The following ADCY2 variants were observed in gnomAD, a reference collection of about 807,000 sequenced individuals.
ADCY2 encodes adenylate cyclase 2, also known as adenylate cyclase type 2.
Under a neutral mutation model 125.2 loss-of-function variants are expected in ADCY2, and 31 were observed. The ratio of observed to expected loss-of-function variants is 0.25; its 90% CI spans 0.19 to 0.33. The LOEUF is 0.33. Ranked by LOEUF, ADCY2 falls within the 10% of genes least tolerant of loss-of-function variation. The pLI, the probability that ADCY2 is intolerant of heterozygous loss-of-function variation, is 1.00. For missense variants in ADCY2, 904 were observed against 1,418.2 expected, an observed-to-expected ratio of 0.64 and a Z score of 5.82; for synonymous variants, 512 against 548.4, an observed-to-expected ratio of 0.93 and a Z score of 0.93.
At chr5:7,474,840 T>C (rs1235116448) in intron 2 of ADCY2, among the ~76,000 whole-genome samples, 3 of 152,218 alleles carry the variant, frequency 2.0e-5, no homozygotes, top group Non-Finnish European at 4.4e-5. Context: ...GGTTGGAAAG[T>C]GTTAATGAAG....
chr5:7,555,422 A>G lies in ADCY2; in HGVS notation c.570+34523A>G, dbSNP rs577645684. ...TTCGGGTAGGAATGGATTTTTGGCA[A>G]ATTGTTCAGATCTTTAGCTTTTACA... On this transcript the variant is annotated intron_variant, in intron 3 of 24. Coordinates refer to ENST00000338316, the MANE Select transcript of ADCY2 (RefSeq NM_020546.3). Among the ~76,000 whole-genome samples, 10 of 152,334 alleles carry G rather than the reference A, an allele frequency of 6.6e-5. No homozygotes were observed. The South Asian group carries it at 1.9e-3, about 28-fold the overall frequency.
At chr5:7,737,868 A>G (rs376915311) in intron 14 of ADCY2, among the ~76,000 whole-genome samples, 2 of 152,250 alleles carry the variant, frequency 1.3e-5, no homozygotes, top group East Asian at 3.8e-4. Flanking sequence ...GAAATGATGG[A>G]AAGCAAAAGA....
intron 3 of ADCY2, among the ~76,000 whole-genome samples, chr5:7,569,020 A>G (rs537430705): frequency 1.3e-5 from 2 of 152,276 alleles, no homozygotes; most frequent in South Asian, 4.1e-4. Flanking sequence ...GTGCTACTGA[A>G]ACAGAAGCTA....
intron 15 of ADCY2, among the ~76,000 whole-genome samples, chr5:7,745,739 A>G (rs533553950): frequency 5.9e-5 from 9 of 152,130 alleles, no homozygotes; most frequent in Non-Finnish European, 8.8e-5. Flanking sequence ...ACCTAGTTCT[A>G]ATTAAGTCAG....
intron 4 of ADCY2, among the ~76,000 whole-genome samples, chr5:7,679,247 G>C (rs1022975745): frequency 1.3e-5 from 2 of 152,220 alleles, no homozygotes; most frequent in Non-Finnish European, 2.9e-5. Context: ...GAAATGACGT[G>C]ATGGAACCAG....
Position 7,396,991 on chromosome 5 carries a change from A to G in ADCY2, c.210+485A>G, listed in dbSNP as rs1276235133. ...CTCTGCAGAAAGCCTGCCTTGGGAA[A>G]GTGGTTAATGACAAGGAAAATGAAG... On this transcript the variant is annotated intron_variant, in intron 1 of 24. Coordinates refer to ENST00000338316, the MANE Select transcript of ADCY2 (RefSeq NM_020546.3). The surrounding 1 kb of genome is among the most constrained non-coding windows in gnomAD (Gnocchi z 5.7). Among the ~76,000 whole-genome samples the G allele has an allele frequency of 6.6e-6, 1 of 152,236 alleles. No homozygotes were observed. Among genetic ancestry groups the G allele is most frequent in the African/African-American group, 2.4e-5 (1 of 41,472 alleles).
intron 22 of ADCY2, among the ~76,000 whole-genome samples, chr5:7,807,377 G>A (rs980732407): frequency 6.6e-6 from 1 of 152,098 alleles, no homozygotes; most frequent in Non-Finnish European, 1.5e-5. Flanking sequence ...AATGCCATCA[G>A]GAACTCTACT....
chr5:7,722,177 G>C (rs1181119488), intron 12 of ADCY2, among the ~76,000 whole-genome samples: 1 of 152,120 alleles, frequency 6.6e-6, no homozygotes, highest in African/African-American at 2.4e-5. Flanking sequence ...ATCTAATGCT[G>C]GGGTTCACGA....
chr5:7,651,193 G>C (rs886510506), intron 4 of ADCY2, among the ~76,000 whole-genome samples: 2 of 152,168 alleles, frequency 1.3e-5, no homozygotes, highest in Non-Finnish European at 2.9e-5. Flanking sequence ...ATACAAAAAA[G>C]TGCAATTTGT....
intron 4 of ADCY2, among the ~76,000 whole-genome samples, chr5:7,668,403 G>GCCA (rs1315367777): frequency 6.6e-6 from 1 of 152,168 alleles, no homozygotes; most frequent in Non-Finnish European, 1.5e-5. Flanking sequence ...AGTCACATGA[G>GCCA]CCACTTTCTA....
chr5:7,715,990 G>T (rs1003010081), intron 11 of ADCY2, among the ~76,000 whole-genome samples: 2 of 152,152 alleles, frequency 1.3e-5, no homozygotes, highest in African/African-American at 2.4e-5. Flanking sequence ...CCTTGTTCAG[G>T]CTAGCAGGCC....
At position 7,786,712 on chromosome 5, in the gene ADCY2, C is replaced by T. The variant is rs572552488; in HGVS notation, c.2469+2263C>T. Among the ~76,000 whole-genome samples the T allele has an allele frequency of 1.2e-4, 18 of 152,314 alleles. No homozygotes were observed. In the South Asian group the frequency reaches 3.5e-3, roughly 30 times the overall value. On this transcript the variant is annotated intron_variant, in intron 19 of 24. Transcript: ENST00000338316. ...TAGTGTCTCACCAGAGCTTAAACAG[C>T]AGCACATTGAGGTGGGATACATTTA...
At chr5:7,530,354 A>G (rs1734599367) in intron 3 of ADCY2, among the ~76,000 whole-genome samples, 2 of 152,212 alleles carry the variant, frequency 1.3e-5, no homozygotes. Context: ...GAGTAAGGCA[A>G]GAGTTGGATC....
At position 7,709,455 on chromosome 5, in the gene ADCY2, G is replaced by A; in HGVS notation, c.1578+68G>A. ...GCTAACTTCCCAAAACCAAAGGCTGGGCATCTCCTGCCAAAATAACTCCTT... is the reference window on the plus strand; with the variant it reads ...GCTAACTTCCCAAAACCAAAGGCTGAGCATCTCCTGCCAAAATAACTCCTT... On this transcript the variant is annotated intron_variant, in intron 10 of 24. Transcript: ENST00000338316. The surrounding 1 kb of genome is among the most constrained non-coding windows in gnomAD (Gnocchi z 4.4). 6.9e-7 allele frequency: 1 copy of A among 1,456,194 alleles called. No homozygotes were observed. Among genetic ancestry groups the A allele is most frequent in the Non-Finnish European group, 9.1e-7 (1 of 1,102,114 alleles). 90.2% of individuals were successfully genotyped at this position (1,456,194 alleles called of 1,614,324 possible). A position where few individuals can be genotyped will look rare whatever the true frequency, so the allele number is the denominator to read the frequency against.
chr5:7,671,591 C>A (rs1739937369), intron 4 of ADCY2, among the ~76,000 whole-genome samples: 1 of 152,092 alleles, frequency 6.6e-6, no homozygotes, highest in Admixed American at 6.6e-5. Context: ...GCATATGAAT[C>A]AAACTAATTG....
intron 4 of ADCY2, among the ~76,000 whole-genome samples, chr5:7,642,195 G>C (rs760982811): frequency 1.3e-5 from 2 of 151,848 alleles, no homozygotes; most frequent in East Asian, 3.9e-4. Flanking sequence ...GTGTTTTTTT[G>C]ACTGTTTTAA....
At chr5:7,559,585 T>C (rs1735641328) in intron 3 of ADCY2, among the ~76,000 whole-genome samples, 1 of 152,176 alleles carries the variant, frequency 6.6e-6, no homozygotes, top group Non-Finnish European at 1.5e-5. Context: ...ACTGAGTCTG[T>C]GGGGTTTCCT....
chr5:7,498,439 G>A (rs1329061681), intron 2 of ADCY2, among the ~76,000 whole-genome samples: 7 of 151,656 alleles, frequency 4.6e-5, no homozygotes, highest in African/African-American at 9.7e-5. Context: ...TAGTAGAGAC[G>A]GGGTTTCACC....
intron 3 of ADCY2, among the ~76,000 whole-genome samples, chr5:7,620,794 T>C (rs1344971647): frequency 1.3e-5 from 2 of 152,328 alleles, no homozygotes; most frequent in East Asian, 1.9e-4. Context: ...CTTTGACTTA[T>C]AATTGGTGTT....
Sources: allele counts gnomAD v4.1 joint callset (sites outside exome capture counted in the v4.1 genomes callset), GRCh38; gene constraint gnomAD v4.1.1; non-coding constraint Gnocchi (gnomAD v3.1); transcripts MANE v1.5; gene names NCBI Gene and HGNC (gene_info 2026-07-23, HGNC 2026-07-21).